Variants in CHD2 observed in about 807,000 individuals in gnomAD.
CHD2 encodes the protein chromodomain helicase DNA binding protein 2.
CHD2 carries 28 observed loss-of-function variants against 243.9 expected under a neutral mutation model. The ratio of observed to expected loss-of-function variants is 0.11; its 90% CI spans 0.09 to 0.16. The LOEUF is 0.16. CHD2 is among the 10% of genes least tolerant of loss of function. CHD2 has a pLI of 1.00. For missense variants in CHD2, 1,386 were observed against 2,209.8 expected (o/e 0.63, Z 7.47); for synonymous variants, 775 against 779.0 (o/e 0.99, Z 0.09).
chr15:92,928,691 C>T (rs78109111), intron 4 of CHD2, among the ~76,000 whole-genome samples: 10,247 of 152,214 alleles, frequency 0.067, 459 homozygotes, highest in South Asian at 0.12. Flanking sequence ...ACATTTTAAG[C>T]GCTTGGTAGT....
intron 24 of CHD2, among the ~76,000 whole-genome samples, chr15:92,983,902 T>A (rs997111242): frequency 1.3e-5 from 2 of 152,226 alleles, no homozygotes; most frequent in Non-Finnish European, 2.9e-5. Flanking sequence ...AATGAGTGCT[T>A]TGAGTTATGC....
intron 33 of CHD2, among the ~76,000 whole-genome samples, chr15:93,003,293 A>T (rs1267278092): frequency 2.0e-5 from 3 of 151,888 alleles, no homozygotes; most frequent in African/African-American, 7.2e-5. Flanking sequence ...TCTCAAAAAA[A>T]AAAAAAAAAA....
chr15:92,945,890 A>C, intron 11 of CHD2, 25 bp downstream of exon 11: 4 of 1,553,832 alleles, frequency 2.6e-6, no homozygotes, highest in Non-Finnish European at 3.5e-6. Flanking sequence ...TTATTTATAA[A>C]TGTTCTTCAA....
In CHD2 at chr15:92,953,809, G is replaced by A. The variant is rs557481273; in HGVS notation, c.1719+236G>A. The stretch of plus-strand genomic sequence containing the variant: ...TGTGAGTGGGAATCTCTTTTAGCTG[G>A]GTTGCAATATTAAATTTTTCTTCTC... On this transcript the variant is annotated intron_variant, in intron 14 of 38. Coordinates refer to ENST00000394196, the MANE Select transcript of CHD2 (RefSeq NM_001271.4). 91 of 469,670 alleles carry A rather than the reference G, an allele frequency of 1.9e-4. No homozygotes were observed. In the East Asian group the frequency reaches 3.3e-3, roughly 17 times the overall value. 29.1% of individuals were successfully genotyped at this position (469,670 alleles called of 1,614,324 possible).
At chr15:93,003,701 C>G (rs1189116234) in intron 33 of CHD2, among the ~76,000 whole-genome samples, 1 of 151,852 alleles carries the variant, frequency 6.6e-6, no homozygotes, top group Non-Finnish European at 1.5e-5. Flanking sequence ...ATTACTCTTC[C>G]TCTGTTTTCC....
In CHD2 at chr15:93,000,630, G is replaced by T; in HGVS notation, c.4127G>T (p.Gly1376Val). ...CATTCAGATAATCCATCAGAAGAGG[G>T]AGAAGTGAAAGTATGAAGTGGGGTT... Reference protein sequence around the residue: ...PRHSDNPSEEGEVKDDGLEKS... With the variant: ...PRHSDNPSEEVEVKDDGLEKS... Residue 1376 changes from glycine to valine, a missense_variant, in exon 32 of 39, where the codon GGA (glycine) becomes GTA (valine). This residue lies in a region of CHD2 where 125 missense variants were observed against 128.9 expected (regional missense o/e 0.97). Transcript: ENST00000394196. 1 of 1,611,488 alleles carries T rather than the reference G, an allele frequency of 6.2e-7. No homozygotes were observed. Among genetic ancestry groups the T allele is most frequent in the South Asian group, 1.1e-5 (1 of 90,794 alleles).
chr15:92,974,244 A>G (rs956160353), intron 19 of CHD2, among the ~76,000 whole-genome samples: 1 of 152,218 alleles, frequency 6.6e-6, no homozygotes, highest in African/African-American at 2.4e-5. Context: ...ATATGTTCTA[A>G]TAAAGGAATT....
chr15:92,974,477 A>G (rs1178732330), intron 19 of CHD2, among the ~76,000 whole-genome samples: 1 of 152,204 alleles, frequency 6.6e-6, no homozygotes, highest in Admixed American at 6.5e-5. Context: ...CACATTAGCT[A>G]AGAAGCATCA....
intron 2 of CHD2, chr15:92,901,633 C>T: frequency 4.7e-6 from 2 of 421,620 alleles, no homozygotes; most frequent in South Asian, 7.6e-5. Flanking sequence ...ATGACCTTGT[C>T]GGTTTAGCCA....
chr15:93,023,931 A>T (rs2054563249), intron 38 of CHD2, among the ~76,000 whole-genome samples: 1 of 152,028 alleles, frequency 6.6e-6, no homozygotes, highest in South Asian at 2.1e-4. Flanking sequence ...GTCCAAGCTA[A>T]AAATTTTAAT....
chr15:92,967,291 G>A (rs369261048), intron 16 of CHD2, 34 bp from the exon 17 acceptor site: 2 of 1,404,604 alleles, frequency 1.4e-6, no homozygotes, highest in Admixed American at 2.4e-5. Flanking sequence ...TTTCCTCAAT[G>A]TGGCTAAATA....
intron 21 of CHD2, 38 bp from the exon 22 acceptor site, chr15:92,979,096 GT>G: frequency 6.2e-7 from 1 of 1,602,568 alleles, no homozygotes; most frequent in South Asian, 1.1e-5. Context: ...GGGTTGGGGG[GT>G]GGTTCAGGCA....
Position 92,979,281 on chromosome 15 carries a change from C to T in CHD2, c.2874C>T (p.Ser958=), listed in dbSNP as rs1233633116. 5 of 1,613,326 alleles carry T rather than the reference C, an allele frequency of 3.1e-6. No individual in the cohort carries two copies. The highest frequency in any genetic ancestry group is 1.3e-5 in the African/African-American group (1 of 74,844). Residue 958 remains serine (S), a splice_region_variant and synonymous_variant, in exon 22 of 39, where the codon TCC becomes TCT. Transcript: ENST00000394196. ...RTILENNSGR[S]NSNPFNKEEL... ...TCCTGGAAAACAACTCAGGAAGGTC[C>T]AAGTAAGTGCCAGGAAGATTGGGAG...
At chr15:93,001,304 A>T (rs563835844) in intron 32 of CHD2, among the ~76,000 whole-genome samples, 2 of 152,228 alleles carry the variant, frequency 1.3e-5, no homozygotes, top group African/African-American at 2.4e-5. Flanking sequence ...TCTGTTAACA[A>T]AACTCCTGTG....
In CHD2 at chr15:92,941,674, C is replaced by T. The variant is rs990988854; in HGVS notation, c.693-148C>T. Reference sequence around the variant, plus strand: ...CAGCACTTTAGGAAAAAAAAGTAAGCTTTGAGCCTACTGTAAATGGCAGAT... The same window carrying T: ...CAGCACTTTAGGAAAAAAAAGTAAGTTTTGAGCCTACTGTAAATGGCAGAT... On this transcript the variant is annotated intron_variant, in intron 7 of 38. Transcript: ENST00000394196. 2.5e-5 allele frequency: 18 copies of T among 727,172 alleles called. 1 individual carries two copies. In the Middle Eastern group the frequency reaches 1.6e-3, roughly 63 times the overall value. The allele number at this position is 727,172 out of a possible 1,614,324, so 45.0% of individuals were successfully genotyped here.
rs747649771 is a variant in CHD2, at chr15:92,929,111, A to G, written c.443+20A>G. 6.3e-7 allele frequency: 1 copy of G among 1,589,812 alleles called. No individual in the cohort carries two copies. Among genetic ancestry groups the G allele is most frequent in the South Asian group, 1.1e-5 (1 of 88,196 alleles). On this transcript the variant is annotated intron_variant, in intron 5 of 38. Transcript: ENST00000394196. ...AAAACAGTAAGTCTTTCATGGGGGA[A>G]ATTATTCAATCTAGTAGTTTCAAAC...
At position 92,981,461 on chromosome 15, in the gene CHD2, T is replaced by C; in HGVS notation, c.3066+4T>C. On this transcript the variant is annotated splice_donor_region_variant and intron_variant, in intron 24 of 38. Coordinates refer to ENST00000394196, the MANE Select transcript of CHD2 (RefSeq NM_001271.4). ...TGAACTTCTATCACAGTTTAAGGTA[T>C]GAAGATCTTTGTGGGAGAGAGTTCT... The C allele has an allele frequency of 6.2e-7, 1 of 1,604,406 alleles. No individual in the cohort carries two copies. Among genetic ancestry groups the C allele is most frequent in the Non-Finnish European group, 8.5e-7 (1 of 1,171,620 alleles).
intron 13 of CHD2, 23 bp from the exon 14 acceptor site, chr15:92,953,334 T>G: frequency 6.2e-7 from 1 of 1,604,790 alleles, no homozygotes; most frequent in Non-Finnish European, 8.5e-7. Flanking sequence ...TTTTTTGTTT[T>G]TATTTATTTT....
chr15:92,996,132 A>T (rs1379824051), intron 28 of CHD2, among the ~76,000 whole-genome samples: 1 of 148,554 alleles, frequency 6.7e-6, no homozygotes, highest in East Asian at 1.9e-4. Context: ...TGATCATTTT[A>T]ATTTGAAATT....
Sources: gnomAD v4.1 joint callset for allele counts (sites outside exome capture counted in the v4.1 genomes callset) on GRCh38, gnomAD v4.1.1 for gene constraint, gnomAD v4.1.1 regional missense constraint, MANE v1.5 for transcripts, NCBI Gene and HGNC (gene_info 2026-07-23, HGNC 2026-07-21) for gene names.